ASXL3: variants seen among roughly 807,000 people sequenced by gnomAD.
ASXL3 encodes ASXL transcriptional regulator 3.
A neutral mutation model predicts 170.6 loss-of-function variants in ASXL3; 34 were observed. The ratio of observed to expected loss-of-function variants is 0.20; its 90% confidence interval spans 0.15 to 0.27. The LOEUF (loss-of-function observed/expected upper bound fraction) is 0.27. Ranked by LOEUF, ASXL3 falls within the 10% of genes least tolerant of loss-of-function variation. ASXL3 has a pLI of 1.00. For synonymous variants in ASXL3, 1,002 were observed against 989.1 expected, an observed-to-expected ratio of 1.01 and a Z score of -0.24; for missense variants, 2,592 against 2,695.3, an observed-to-expected ratio of 0.96 and a Z score of 0.85.
intron 1 of ASXL3, among the ~76,000 whole-genome samples, chr18:33,583,902 T>C (rs1413146047): frequency 6.6e-6 from 1 of 152,154 alleles, no homozygotes; most frequent in East Asian, 1.9e-4. Flanking sequence ...GGCTCCTATG[T>C]ATATGATTCA....
At chr18:33,618,002 T>A (rs2065453913) in intron 2 of ASXL3, among the ~76,000 whole-genome samples, 1 of 152,154 alleles carries the variant, frequency 6.6e-6, no homozygotes, top group Non-Finnish European at 1.5e-5. Context: ...CTGAATGATT[T>A]TAGTTTTGCT....
intron 1 of ASXL3, among the ~76,000 whole-genome samples, chr18:33,580,131 G>A (rs1159523488): frequency 6.6e-6 from 1 of 152,176 alleles, no homozygotes; most frequent in Non-Finnish European, 1.5e-5. Context: ...AGTGTTGTAT[G>A]TTATTTCTCC....
At chr18:33,651,339 C>T (rs1483472704) in intron 4 of ASXL3, among the ~76,000 whole-genome samples, 2 of 152,036 alleles carry the variant, frequency 1.3e-5, no homozygotes, top group Non-Finnish European at 2.9e-5. Flanking sequence ...ACTTTCCACA[C>T]TTCCTACAGC....
At chr18:33,731,903 T>TC (rs1202230302) in intron 8 of ASXL3, 65 bp from the exon 9 acceptor site, 32 of 1,393,434 alleles carry the variant, frequency 2.3e-5, no homozygotes, top group Non-Finnish European at 3.2e-5. Flanking sequence ...TTTGCTTCTT[T>TC]CCTGCATACT....
chr18:33,689,740 A>G (rs955962687), intron 8 of ASXL3, among the ~76,000 whole-genome samples: 1 of 152,192 alleles, frequency 6.6e-6, no homozygotes, highest in Admixed American at 6.6e-5. Context: ...GTATTTGTCA[A>G]GCTTTTCCAG....
At chr18:33,708,108 T>C (rs1209782476) in intron 8 of ASXL3, among the ~76,000 whole-genome samples, 1 of 152,166 alleles carries the variant, frequency 6.6e-6, no homozygotes, top group Non-Finnish European at 1.5e-5. Context: ...TTTGATGGTT[T>C]TTGGTAATAC....
chr18:33,694,843 AT>A (rs2066746390), intron 8 of ASXL3, among the ~76,000 whole-genome samples: 1 of 152,128 alleles, frequency 6.6e-6, no homozygotes, highest in African/African-American at 2.4e-5. Context: ...AAAATGGAAC[AT>A]TTACACAGTC....
rs1373324244 is a variant in ASXL3 at position 33,645,750 on chromosome 18, G to A, written c.247-495G>A. Among the ~76,000 whole-genome samples the A allele has an allele frequency of 6.5e-5, 6 of 92,990 alleles. No individual in the cohort carries two copies. The East Asian group carries it at 4.7e-3, about 73-fold the overall frequency. The allele number at this position is 92,990 out of a possible 152,430, so 61.0% of individuals were successfully genotyped here. Reference sequence around the variant, plus strand: ...TATATTTAAAGTTCATTAACTACATGTGAGTTTTTTTTTAATGTCAAAAGT... The same window carrying A: ...TATATTTAAAGTTCATTAACTACATATGAGTTTTTTTTTAATGTCAAAAGT... On this transcript the variant is annotated intron_variant, in intron 3 of 11. Coordinates refer to ENST00000269197, the MANE Select transcript of ASXL3 (RefSeq NM_030632.3).
rs1234635063 is a variant in ASXL3, at chr18:33,732,082, A to G, written c.976+18A>G. 1.3e-6 allele frequency: 2 copies of G among 1,596,606 alleles called. No homozygotes were observed. The highest frequency in any genetic ancestry group is 2.2e-5 in the East Asian group (1 of 44,778). On this transcript the variant is annotated intron_variant, in intron 9 of 11. Transcript: ENST00000269197. Reference sequence around the variant, plus strand: ...GGCAGAAGGTAAATTTGTATTTTCTATTATTATGTGACATATTGGAGTACA... The same window carrying G: ...GGCAGAAGGTAAATTTGTATTTTCTGTTATTATGTGACATATTGGAGTACA...
intron 5 of ASXL3, among the ~76,000 whole-genome samples, chr18:33,662,017 T>G (rs756148019): frequency 6.6e-6 from 1 of 152,184 alleles, no homozygotes; most frequent in Non-Finnish European, 1.5e-5. Context: ...TTATGATTTA[T>G]AGTAGTAAAT....
chr18:33,631,648 G>A (rs905031964), intron 2 of ASXL3, among the ~76,000 whole-genome samples: 5 of 151,972 alleles, frequency 3.3e-5, no homozygotes, highest in African/African-American at 1.2e-4. Context: ...TTAAATGTTC[G>A]CTGCTGATAT....
chr18:33,638,049 T>C (rs904570829), intron 2 of ASXL3, among the ~76,000 whole-genome samples: 13 of 152,006 alleles, frequency 8.6e-5, no homozygotes, highest in African/African-American at 3.1e-4. Context: ...GTGTTTTTTC[T>C]TAATGATCCA....
At chr18:33,674,779 C>T (rs1210840937) in intron 7 of ASXL3, among the ~76,000 whole-genome samples, 12 of 151,962 alleles carry the variant, frequency 7.9e-5, no homozygotes, top group East Asian at 1.9e-4. Flanking sequence ...CCACCACACC[C>T]GGCTAATTTT....
At chr18:33,733,405 G>T (rs2067485645) in intron 9 of ASXL3, among the ~76,000 whole-genome samples, 1 of 151,986 alleles carries the variant, frequency 6.6e-6, no homozygotes, top group Non-Finnish European at 1.5e-5. Context: ...TGATGTCTTT[G>T]ACCCTCTTCC....
At position 33,744,769 on chromosome 18, in the gene ASXL3, G is replaced by A; in HGVS notation, c.4921G>A (p.Ala1641Thr). 6 of 1,613,978 alleles carry A rather than the reference G, an allele frequency of 3.7e-6. No individual in the cohort carries two copies. The highest frequency in any genetic ancestry group is 5.1e-6 in the Non-Finnish European group (6 of 1,179,900). Reference sequence around the variant, plus strand: ...ATATCTAGAGCAAAGCTGTCCAAAGGCTATCAAAACTGAACATGCCAACTA... The same window carrying A: ...ATATCTAGAGCAAAGCTGTCCAAAGACTATCAAAACTGAACATGCCAACTA... ...KEYLEQSCPK[A>T]IKTEHANYLN... is the part of the protein sequence containing the mutation. The change falls in exon 12 of 12, where the codon GCT (alanine) becomes ACT (threonine). Residue 1641 changes from alanine (A) to threonine (T), a missense_variant. Transcript: ENST00000269197.
chr18:33,740,283 A>C lies in ASXL3; in HGVS notation c.2879A>C (p.Glu960Ala). ...DGIRNESRDS[E>A]ISKRKTAEQH... ...ATAAGAAATGAAAGTAGAGATTCAG[A>C]GATATCAAAGAGAAAAACTGCAGAG... Residue 960 changes from glutamate to alanine, a missense_variant, in exon 11 of 12, where the codon GAG becomes GCG. Around this residue, in one of 4 missense-constraint regions of ASXL3, gnomAD observed 2,246 missense variants for 2,219.6 expected, o/e 1.01. Coordinates refer to ENST00000269197, the MANE Select transcript of ASXL3 (RefSeq NM_030632.3). 1 of 1,612,638 alleles carries C rather than the reference A, an allele frequency of 6.2e-7. No homozygotes were observed.
rs532355969 is a variant in ASXL3, at chr18:33,719,172, A to G, written c.880-12796A>G. Among the ~76,000 whole-genome samples the G allele has an allele frequency of 2.0e-5, 3 of 152,210 alleles. No homozygotes were observed. The South Asian group carries it at 6.2e-4, about 32-fold the overall frequency. ...CTTGATGCCACACAGTCCTTCAGCT[A>G]CCACACTCTTGCATCATTTCCCTTC... On this transcript the variant is annotated intron_variant, in intron 8 of 11. Coordinates refer to ENST00000269197, the MANE Select transcript of ASXL3 (RefSeq NM_030632.3).
chr18:33,689,882 G>A (rs1353947440), intron 8 of ASXL3, among the ~76,000 whole-genome samples: 1 of 152,022 alleles, frequency 6.6e-6, no homozygotes, highest in Non-Finnish European at 1.5e-5. Context: ...ACAGACACAC[G>A]TGTGTGTGCA....
At chr18:33,674,952 G>A (rs1459749651) in intron 7 of ASXL3, among the ~76,000 whole-genome samples, 1 of 152,026 alleles carries the variant, frequency 6.6e-6, no homozygotes, top group Non-Finnish European at 1.5e-5. Context: ...TGTTTTTAAT[G>A]CCCTATTAGA....
Sources: allele counts gnomAD v4.1 joint callset (sites outside exome capture counted in the v4.1 genomes callset), GRCh38; gene constraint gnomAD v4.1.1; regional missense constraint gnomAD v4.1.1; transcripts MANE v1.5; gene names NCBI Gene and HGNC (gene_info 2026-07-23, HGNC 2026-07-21).